CHFR: variants seen among roughly 807,000 people sequenced by gnomAD.
CHFR encodes the protein E3 ubiquitin-protein ligase CHFR.
CHFR carries 57 observed loss-of-function variants against 87.6 expected under a neutral mutation model. That is an observed-to-expected ratio of 0.65 (90% confidence interval 0.53 to 0.81). The LOEUF is 0.81. Ranked by LOEUF, CHFR falls within the 30% of genes least tolerant of loss-of-function variation. The probability of loss-of-function intolerance (pLI) is 0.00; values close to 1 mark genes in which losing one functional copy is unlikely to be tolerated. For missense variants in CHFR, 797 were observed against 865.8 expected (o/e 0.92, Z 1.00); for synonymous variants, 381 against 359.2 (o/e 1.06, Z -0.69).
chr12:132,842,717 A>G (rs1172160209), intron 17 of CHFR, among the ~76,000 whole-genome samples: 1 of 152,256 alleles, frequency 6.6e-6, no homozygotes, highest in African/African-American at 2.4e-5. Flanking sequence ...TGAGGCCCTC[A>G]GTGACTGCAG....
In CHFR at chr12:132,853,721, C is replaced by T. The variant is rs1056433107; in HGVS notation, c.1230-148G>A. The T allele has an allele frequency of 5.4e-5, 48 of 895,156 alleles. No homozygotes were observed. The Middle Eastern group carries it at 1.6e-3, about 30-fold the overall frequency. The allele number at this position is 895,156 out of a possible 1,614,324, so 55.5% of individuals were successfully genotyped here. On this transcript the variant is annotated intron_variant, in intron 10 of 17. Transcript: ENST00000450056. ...GGAAGGGCCGGGCCCCATTCCTGTCCAGCACCCCAGTGTTAGAGAGGGACC... is the reference window on the plus strand; with the variant it reads ...GGAAGGGCCGGGCCCCATTCCTGTCTAGCACCCCAGTGTTAGAGAGGGACC...
chr12:132,847,955 T>TGGCTCCC, intron 14 of CHFR, 130 bp downstream of exon 14: 1 of 1,522,426 alleles, frequency 6.6e-7, no homozygotes. Context: ...TGAGGAAACA[T>TGGCTCCC]GGCTCCCGGC....
chr12:132,846,883 A>AAAAC (rs199740623), intron 15 of CHFR, among the ~76,000 whole-genome samples, 160 bp downstream of exon 15: 2 of 152,102 alleles, frequency 1.3e-5, no homozygotes, highest in African/African-American at 2.4e-5. Flanking sequence ...TCCATCTCAA[A>AAAAC]AAACAAACAA....
At chr12:132,849,346 C>T (rs1950891795) in intron 12 of CHFR, 1 of 149,932 alleles carries the variant, frequency 6.7e-6, no homozygotes, top group Non-Finnish European at 1.5e-5. Flanking sequence ...CATTTACAGG[C>T]GTGATGCACT....
intron 8 of CHFR, among the ~76,000 whole-genome samples, chr12:132,858,345 G>A (rs2136970188): frequency 6.6e-6 from 1 of 151,964 alleles, no homozygotes; most frequent in African/African-American, 2.4e-5. Flanking sequence ...GGGTGACAGA[G>A]CGAGACTCTA....
At chr12:132,887,127 C>T (rs1362253584) in intron 2 of CHFR, 69 bp downstream of exon 2, 4 of 1,328,570 alleles carry the variant, frequency 3.0e-6, no homozygotes, top group African/African-American at 3.1e-5. Context: ...CACCGCCGCC[C>T]GTGTGGCCTG....
Position 132,833,619 on chromosome 12 carries a change from G to C in CHFR, c.*7935C>G, listed in dbSNP as rs1199052981. On this transcript the variant is annotated 3_prime_UTR_variant, in exon 18 of 18. Coordinates refer to ENST00000450056, the MANE Select transcript of CHFR (RefSeq NM_001161346.2). ...AGATCGCTTGAACTCAGGAGTTCAAGACCAGCCTGGGCAACATGGTGAAAC... is the reference window on the plus strand; with the variant it reads ...AGATCGCTTGAACTCAGGAGTTCAACACCAGCCTGGGCAACATGGTGAAAC... 6.6e-6 allele frequency: 1 copy of C among 152,278 alleles called. No individual in the cohort carries two copies. The highest frequency in any genetic ancestry group is 2.4e-5 in the African/African-American group (1 of 41,446). 9.4% of individuals were successfully genotyped at this position (152,278 alleles called of 1,614,324 possible).
rs1315388397 is a variant in CHFR, at chr12:132,882,719, T to C, written c.133+4477A>G. Among the ~76,000 whole-genome samples the C allele has an allele frequency of 2.4e-4, 34 of 142,282 alleles. 3 individuals carry two copies. Among genetic ancestry groups the C allele is most frequent in the Admixed American group, 2.2e-3 (31 of 14,060 alleles). 93.3% of individuals were successfully genotyped at this position (142,282 alleles called of 152,430 possible). A position where few individuals can be genotyped will look rare whatever the true frequency, so the allele number is the denominator to read the frequency against. On this transcript the variant is annotated intron_variant, in intron 2 of 17. Transcript: ENST00000450056. ...CCAGAACATCAGGTTTTTTTTTTTT[T>C]CTTTGAGACAAGGCCTTGCGCTGTT...
chr12:132,847,006 C>A (rs1357327401), intron 15 of CHFR, 37 bp downstream of exon 15: 5 of 1,495,268 alleles, frequency 3.3e-6, no homozygotes, highest in Admixed American at 3.3e-5. Flanking sequence ...TGGACACTCA[C>A]ATGCGCCTTA....
chr12:132,870,397 C>A (rs922742999), intron 5 of CHFR, among the ~76,000 whole-genome samples: 7 of 141,616 alleles, frequency 4.9e-5, no homozygotes, highest in African/African-American at 8.0e-5. Flanking sequence ...CCAGGCGTGA[C>A]GGTGCAACCT....
intron 2 of CHFR, among the ~76,000 whole-genome samples, chr12:132,881,390 ACT>A (rs1566206605): frequency 6.6e-6 from 1 of 152,250 alleles, no homozygotes; most frequent in Non-Finnish European, 1.5e-5. Flanking sequence ...TGTATAGAGA[ACT>A]CTGATAACTC....
chr12:132,849,351 T>C (rs1221847576), intron 12 of CHFR: 1 of 150,492 alleles, frequency 6.6e-6, no homozygotes, highest in Non-Finnish European at 1.5e-5. Flanking sequence ...ACAGGCGTGA[T>C]GCACTGCACC....
At position 132,857,409 on chromosome 12, in the gene CHFR, A is replaced by G. The variant is rs2136966487; in HGVS notation, c.1062T>C (p.His354=). ...NNLVEAYLIQ[H]PDKSRSEEDV... is the part of the protein sequence containing the mutation. ...GGTGTGGATGCCCTCACTTGCCTGG[A>G]TGCTGGATGAGGTATGCTTCCACGA... is the stretch of plus-strand genomic sequence containing the variant. Residue 354 remains histidine (H), a synonymous_variant, in exon 9 of 18, where the codon CAT becomes CAC. Coordinates refer to ENST00000450056, the MANE Select transcript of CHFR (RefSeq NM_001161346.2). The G allele has an allele frequency of 6.2e-7, 1 of 1,613,724 alleles. No individual in the cohort carries two copies. Among genetic ancestry groups the G allele is most frequent in the Non-Finnish European group, 8.5e-7 (1 of 1,179,884 alleles).
intron 4 of CHFR, 22 bp downstream of exon 4, chr12:132,872,263 G>T: frequency 1.3e-6 from 2 of 1,542,706 alleles, no homozygotes; most frequent in East Asian, 2.2e-5. Flanking sequence ...GTCTGACCCC[G>T]GCAAGCCTTC....
At chr12:132,877,771 A>G (rs1951663060) in intron 2 of CHFR, 117 bp from the exon 3 acceptor site, 1 of 524,014 alleles carries the variant, frequency 1.9e-6, no homozygotes, top group Admixed American at 4.1e-5. Context: ...ACATATGTAA[A>G]AAAAAACACT....
At chr12:132,842,409 A>G (rs905136696) in intron 17 of CHFR, among the ~76,000 whole-genome samples, 71 of 152,254 alleles carry the variant, frequency 4.7e-4, no homozygotes, top group Non-Finnish European at 8.4e-4. Context: ...TTTTTATTCC[A>G]CAAAATCCCT....
Position 132,859,343 on chromosome 12 carries a change from G to A in CHFR, c.752-116C>T, listed in dbSNP as rs967215305. The A allele has an allele frequency of 4.0e-6, 4 of 996,892 alleles. No individual in the cohort carries two copies. In the African/African-American group the frequency reaches 6.6e-5, roughly 17 times the overall value. 61.8% of individuals were successfully genotyped at this position (996,892 alleles called of 1,614,324 possible). On this transcript the variant is annotated intron_variant, in intron 7 of 17. Coordinates refer to ENST00000450056, the MANE Select transcript of CHFR (RefSeq NM_001161346.2). ...TGTTCTAACTGTCGTAACCGAGAAGGAAATACATGCAGTCTTTTTTTTTTC... is the reference window on the plus strand; with the variant it reads ...TGTTCTAACTGTCGTAACCGAGAAGAAAATACATGCAGTCTTTTTTTTTTC...
At chr12:132,843,330 G>A (rs377621783) in intron 16 of CHFR, among the ~76,000 whole-genome samples, 1 of 152,138 alleles carries the variant, frequency 6.6e-6, no homozygotes, top group Admixed American at 6.5e-5. Context: ...GGAGGCAGAG[G>A]CAGGAGAATC....
intron 14 of CHFR, 93 bp from the exon 15 acceptor site, chr12:132,847,223 A>C: frequency 6.5e-7 from 1 of 1,543,104 alleles, no homozygotes. Context: ...AAGGCCCCTG[A>C]AAGTGTGCAA....
Sources: allele counts gnomAD v4.1 joint callset (sites outside exome capture counted in the v4.1 genomes callset), GRCh38; gene constraint gnomAD v4.1.1; transcripts MANE v1.5; gene names NCBI Gene and HGNC (gene_info 2026-07-23, HGNC 2026-07-21).